The following GPC5 variants were observed in gnomAD, a reference collection of about 807,000 sequenced individuals.
GPC5 encodes the protein glypican 5.
Under a neutral mutation model 53.9 loss-of-function variants are expected in GPC5, and 47 were observed. The ratio of observed to expected loss-of-function variants is 0.87; its 90% CI spans 0.69 to 1.11. The LOEUF (loss-of-function observed/expected upper bound fraction) is 1.11. Ranked by LOEUF, GPC5 falls within the 50% of genes most tolerant of loss-of-function variation. The probability of loss-of-function intolerance (pLI) is 0.00; values close to 1 mark genes in which losing one functional copy is unlikely to be tolerated. For synonymous variants in GPC5, 286 were observed against 263.3 expected (o/e 1.09, Z -0.84); for missense variants, 748 against 713.1 (o/e 1.05, Z -0.56).
At chr13:92,552,130 C>A (rs1319359993) in intron 7 of GPC5, among the ~76,000 whole-genome samples, 2 of 151,744 alleles carry the variant, frequency 1.3e-5, no homozygotes, top group Non-Finnish European at 2.9e-5. Flanking sequence ...TTTCACAAAA[C>A]CATCGTGGAA....
intron 7 of GPC5, among the ~76,000 whole-genome samples, chr13:92,338,816 CAT>C (rs147633415): frequency 0.018 from 2,686 of 152,168 alleles, 88 homozygotes; most frequent in African/African-American, 0.061. Context: ...ATTGTGGATA[CAT>C]GTTATTATAC....
At chr13:92,463,557 G>A (rs1878576780) in intron 7 of GPC5, among the ~76,000 whole-genome samples, 1 of 152,064 alleles carries the variant, frequency 6.6e-6, no homozygotes, top group Non-Finnish European at 1.5e-5. Context: ...TAAAGCTGCT[G>A]TGATCTTTAA....
intron 6 of GPC5, among the ~76,000 whole-genome samples, chr13:92,002,570 A>G: frequency 6.6e-6 from 1 of 152,210 alleles, no homozygotes; most frequent in Admixed American, 6.5e-5. Context: ...AACATGTTAC[A>G]AAGACTGGAA....
At chr13:92,551,535 T>C (rs1331868219) in intron 7 of GPC5, among the ~76,000 whole-genome samples, 2 of 151,886 alleles carry the variant, frequency 1.3e-5, no homozygotes, top group African/African-American at 2.4e-5. Flanking sequence ...TAATTTCATC[T>C]GAAGGAGCTA....
chr13:92,758,399 G>A (rs1351876374), intron 7 of GPC5, among the ~76,000 whole-genome samples: 2 of 151,566 alleles, frequency 1.3e-5, no homozygotes, highest in Admixed American at 6.6e-5. Context: ...TGGGTGCAGC[G>A]CACCAGCATG....
At chr13:92,381,830 T>G (rs1162883559) in intron 7 of GPC5, among the ~76,000 whole-genome samples, 4 of 87,166 alleles carry the variant, frequency 4.6e-5, no homozygotes, top group Admixed American at 1.2e-4. Flanking sequence ...TATAATCATA[T>G]ATATTATATT....
chr13:91,643,960 ATTAAAATT>A (rs2034496008), intron 2 of GPC5, among the ~76,000 whole-genome samples: 3 of 28,434 alleles, frequency 1.1e-4, no homozygotes, highest in African/African-American at 1.6e-4. Context: ...TAACATATGA[ATTAAAATT>A]CATATGTTAA....
At chr13:92,497,203 G>T (rs2138924504) in intron 7 of GPC5, among the ~76,000 whole-genome samples, 1 of 152,176 alleles carries the variant, frequency 6.6e-6, no homozygotes, top group African/African-American at 2.4e-5. Flanking sequence ...GATTGCTATT[G>T]CCTGGGTTTT....
At chr13:92,595,996 CTTATTTGCTA>C (rs1358369240) in intron 7 of GPC5, among the ~76,000 whole-genome samples, 2 of 152,042 alleles carry the variant, frequency 1.3e-5, no homozygotes, top group South Asian at 2.1e-4. Context: ...TGTCACTGCT[CTTATTTGCTA>C]TTCTTGCACA....
chr13:92,119,491 C>G (rs1444490837), intron 6 of GPC5, among the ~76,000 whole-genome samples: 1 of 148,446 alleles, frequency 6.7e-6, no homozygotes, highest in South Asian at 2.2e-4. Context: ...CTCCGCCCCC[C>G]GGGGTTCACA....
chr13:91,957,796 G>A (rs982114247), intron 6 of GPC5, among the ~76,000 whole-genome samples: 1 of 151,998 alleles, frequency 6.6e-6, no homozygotes, highest in Non-Finnish European at 1.5e-5. Flanking sequence ...ATTTAAGGGA[G>A]TCCCACACCT....
At chr13:91,571,871 A>ACGTGTGTGTGTG (rs1231149317) in intron 2 of GPC5, among the ~76,000 whole-genome samples, 1 of 70,196 alleles carries the variant, frequency 1.4e-5, no homozygotes. Context: ...GTGTGTGTAT[A>ACGTGTGTGTGTG]TATACACACA....
intron 7 of GPC5, among the ~76,000 whole-genome samples, chr13:92,246,912 C>G (rs560046701): frequency 1.5e-4 from 23 of 152,144 alleles, no homozygotes; most frequent in African/African-American, 5.1e-4. Flanking sequence ...AGACAAAAAT[C>G]CCCAAATGTC....
intron 7 of GPC5, among the ~76,000 whole-genome samples, chr13:92,291,912 G>A (rs1009741269): frequency 6.6e-5 from 10 of 152,118 alleles, no homozygotes; most frequent in African/African-American, 2.4e-4. Flanking sequence ...CCACCAGGAG[G>A]AAGAAACTCT....
intron 7 of GPC5, among the ~76,000 whole-genome samples, chr13:92,602,220 A>AC (rs199679809): frequency 3.4e-4 from 37 of 110,216 alleles, no homozygotes; most frequent in African/African-American, 1.1e-3. Context: ...CATATATATA[A>AC]ATATATATAT....
chr13:91,987,730 A>G lies in GPC5; in HGVS notation c.1401+79673A>G, dbSNP rs2040421299. 2.0e-5 allele frequency among the ~76,000 whole-genome samples: 3 copies of G among 147,078 alleles called. No homozygotes were observed. In the South Asian group the frequency reaches 6.2e-4, roughly 31 times the overall value. The stretch of plus-strand genomic sequence containing the variant: ...CACTCTCTAGATTTCACAATAGTAT[A>G]TAAATACTATATATAGTATTTATAT... On this transcript the variant is annotated intron_variant, in intron 6 of 7. Coordinates refer to ENST00000377067, the MANE Select transcript of GPC5 (RefSeq NM_004466.6).
At chr13:91,524,324 G>A (rs773845168) in intron 2 of GPC5, among the ~76,000 whole-genome samples, 2 of 151,292 alleles carry the variant, frequency 1.3e-5, no homozygotes, top group Non-Finnish European at 2.9e-5. Flanking sequence ...TATAACATGG[G>A]GTGTTTTTTT....
chr13:92,216,109 G>C lies in GPC5; in HGVS notation c.1561+71120G>C, dbSNP rs557868088. Among the ~76,000 whole-genome samples the C allele has an allele frequency of 1.8e-3, 274 of 152,220 alleles. 1 individual carries two copies. The highest frequency in any genetic ancestry group is 6.2e-3 in the African/African-American group (256 of 41,540). Reference sequence around the variant, plus strand: ...AAAACATCATTCCTGAGATACAGACGGGCAGTTCTTCCAGACCAGTGTAAT... The same window carrying C: ...AAAACATCATTCCTGAGATACAGACCGGCAGTTCTTCCAGACCAGTGTAAT... On this transcript the variant is annotated intron_variant, in intron 7 of 7. Coordinates refer to ENST00000377067, the MANE Select transcript of GPC5 (RefSeq NM_004466.6).
chr13:92,385,281 T>A (rs2043782910), intron 7 of GPC5, among the ~76,000 whole-genome samples: 1 of 148,876 alleles, frequency 6.7e-6, no homozygotes, highest in South Asian at 2.1e-4. Context: ...GGACTGTTTA[T>A]GCAGTATAGT....
Sources: allele counts gnomAD v4.1 joint callset (sites outside exome capture counted in the v4.1 genomes callset), GRCh38; gene constraint gnomAD v4.1.1; transcripts MANE v1.5; gene names NCBI Gene and HGNC (gene_info 2026-07-23, HGNC 2026-07-21).